Variants in MMS22L observed in about 807,000 individuals in gnomAD.
MMS22L encodes protein MMS22-like.
Under a neutral mutation model 159.1 loss-of-function variants are expected in MMS22L, and 74 were observed. The observed-to-expected ratio is 0.47, with a 90% CI of 0.39 to 0.56. The LOEUF (loss-of-function observed/expected upper bound fraction) is 0.56. Ranked by LOEUF, MMS22L falls within the 20% of genes least tolerant of loss-of-function variation. The pLI is 0.00. For synonymous variants in MMS22L, 517 were observed against 506.9 expected, an observed-to-expected ratio of 1.02 and a Z score of -0.27; for missense variants, 1,351 against 1,422.1, an observed-to-expected ratio of 0.95 and a Z score of 0.80.
At chr6:97,163,426 A>G (rs910744967) in intron 21 of MMS22L, among the ~76,000 whole-genome samples, 7 of 151,936 alleles carry the variant, frequency 4.6e-5, no homozygotes, top group African/African-American at 1.7e-4. Flanking sequence ...GACAATCTCT[A>G]TATCTTTCCT....
intron 14 of MMS22L, among the ~76,000 whole-genome samples, chr6:97,220,992 ACACACACACACG>A (rs1476722558): frequency 4.3e-5 from 5 of 116,738 alleles, no homozygotes; most frequent in Non-Finnish European, 1.0e-4. Context: ...ACACACACAC[ACACACACACACG>A]TCCATTGATG....
intron 22 of MMS22L, among the ~76,000 whole-genome samples, chr6:97,159,233 T>C (rs994708677): frequency 1.3e-5 from 2 of 152,006 alleles, no homozygotes; most frequent in Admixed American, 1.3e-4. Flanking sequence ...TGCACATTGA[T>C]AAATCTTGAC....
chr6:97,154,729 CACT>C (rs1323729146), intron 22 of MMS22L, among the ~76,000 whole-genome samples: 1 of 152,126 alleles, frequency 6.6e-6, no homozygotes, highest in African/African-American at 2.4e-5. Context: ...ATTGTCTTGG[CACT>C]CTTGTCAACA....
At chr6:97,267,825 T>C (rs1815298597) in intron 8 of MMS22L, 47 bp downstream of exon 8, 2 of 1,501,056 alleles carry the variant, frequency 1.3e-6, no homozygotes, top group African/African-American at 1.4e-5. Flanking sequence ...CATTAAGGAC[T>C]GAATACTGTC....
intron 18 of MMS22L, among the ~76,000 whole-genome samples, chr6:97,174,161 G>A (rs1803865384): frequency 6.6e-6 from 1 of 151,588 alleles, no homozygotes; most frequent in South Asian, 2.1e-4. Flanking sequence ...GCTGAGGCAG[G>A]AGAATGGCTT....
chr6:97,162,304 A>C (rs1802530485), intron 21 of MMS22L, 139 bp from the exon 22 acceptor site: 1 of 631,686 alleles, frequency 1.6e-6, no homozygotes, highest in African/African-American at 1.9e-5. Flanking sequence ...TGTATATTTT[A>C]CCATGCTATC....
intron 3 of MMS22L, among the ~76,000 whole-genome samples, chr6:97,280,049 T>C (rs2128103137): frequency 6.6e-6 from 1 of 152,284 alleles, no homozygotes; most frequent in East Asian, 1.9e-4. Context: ...GACTCGCTCA[T>C]TCTGTAATCT....
intron 14 of MMS22L, among the ~76,000 whole-genome samples, chr6:97,192,727 T>C (rs1806022611): frequency 6.6e-6 from 1 of 152,168 alleles, no homozygotes; most frequent in Non-Finnish European, 1.5e-5. Context: ...ATAAGACATA[T>C]TCAATAAAGA....
At chr6:97,192,559 T>C (rs1225620375) in intron 14 of MMS22L, among the ~76,000 whole-genome samples, 2 of 152,292 alleles carry the variant, frequency 1.3e-5, no homozygotes, top group South Asian at 4.1e-4. Flanking sequence ...GGCAAGACAA[T>C]ATGCACTACT....
intron 4 of MMS22L, among the ~76,000 whole-genome samples, chr6:97,274,398 A>C (rs934213041): frequency 1.3e-5 from 2 of 152,178 alleles, no homozygotes; most frequent in Non-Finnish European, 2.9e-5. Context: ...TACTCTCTTA[A>C]AAATAACTGC....
intron 14 of MMS22L, among the ~76,000 whole-genome samples, chr6:97,216,442 T>A (rs1809024379): frequency 6.6e-6 from 1 of 152,168 alleles, no homozygotes; most frequent in Non-Finnish European, 1.5e-5. Flanking sequence ...TTTACTTGCT[T>A]CCCAAGTACT....
Position 97,162,129 on chromosome 6 carries a change from AG to A in MMS22L, c.3257del (p.Pro1086LeufsTer4). The A allele has an allele frequency of 6.2e-7, 1 of 1,610,254 alleles. No homozygotes were observed. The highest frequency in any genetic ancestry group is 8.5e-7 in the Non-Finnish European group (1 of 1,178,386). On this transcript the variant is annotated frameshift_variant, in exon 22 of 25. Transcript: ENST00000683635. LOFTEE classifies it high-confidence loss of function. The stretch of plus-strand genomic sequence containing the variant: ...AGGCCAGAATGGATGCTAAGCGAGG[AG>A]GAGGTGAGGACCCCTTATACTCAAG... ...SYLEYKGSSP[P>X]PRLASILAFI...
chr6:97,161,032 G>A (rs907968206), intron 22 of MMS22L, among the ~76,000 whole-genome samples: 1 of 151,900 alleles, frequency 6.6e-6, no homozygotes. Context: ...TGAAGTCTTT[G>A]TCTGTTAAAG....
At chr6:97,242,297 C>A (rs1437852343) in intron 11 of MMS22L, among the ~76,000 whole-genome samples, 1 of 152,008 alleles carries the variant, frequency 6.6e-6, no homozygotes, top group Non-Finnish European at 1.5e-5. Context: ...TGTGTATGTT[C>A]CCTATTTAGG....
intron 14 of MMS22L, among the ~76,000 whole-genome samples, chr6:97,227,459 T>G (rs551905761): frequency 6.6e-6 from 1 of 152,196 alleles, no homozygotes; most frequent in South Asian, 2.1e-4. Context: ...AAAACTGATA[T>G]TGGAAACATA....
At chr6:97,246,081 T>C in intron 11 of MMS22L, 1 of 379,346 alleles carries the variant, frequency 2.6e-6, no homozygotes, top group Non-Finnish European at 5.1e-6. Context: ...AAAAATGTGA[T>C]GAACAGCATG....
At chr6:97,180,539 C>T (rs1194607158) in intron 16 of MMS22L, among the ~76,000 whole-genome samples, 1 of 151,986 alleles carries the variant, frequency 6.6e-6, no homozygotes, top group Non-Finnish European at 1.5e-5. Context: ...TTTTGAAATA[C>T]CTCGAATATA....
chr6:97,281,447 A>C (rs992265360), intron 2 of MMS22L, 85 bp from the exon 3 acceptor site: 2 of 1,137,870 alleles, frequency 1.8e-6, no homozygotes, highest in East Asian at 4.8e-5. Flanking sequence ...ATTTGAATCC[A>C]TATTATACAT....
At chr6:97,151,721 T>A in intron 23 of MMS22L, 50 bp downstream of exon 23, 1 of 1,423,510 alleles carries the variant, frequency 7.0e-7, no homozygotes, top group Non-Finnish European at 9.9e-7. Flanking sequence ...ATGTTGGCTG[T>A]CAAATGGCTG....
Sources: gnomAD v4.1 joint callset for allele counts (sites outside exome capture counted in the v4.1 genomes callset) on GRCh38, gnomAD v4.1.1 for gene constraint, MANE v1.5 for transcripts, NCBI Gene and HGNC (gene_info 2026-07-23, HGNC 2026-07-21) for gene names.